The following SFSWAP variants were observed in gnomAD, a reference collection of about 807,000 sequenced individuals.
SFSWAP encodes the protein splicing factor SWAP, also known as splicing factor, suppressor of white-apricot homolog.
SFSWAP carries 17 observed loss-of-function variants against 100.7 expected under a neutral mutation model. The ratio of observed to expected loss-of-function variants is 0.17; its 90% CI spans 0.12 to 0.25. The LOEUF (loss-of-function observed/expected upper bound fraction) is 0.25, where lower values mean the gene tolerates loss of function less well. Among genes scored for constraint, SFSWAP ranks in the 10% least tolerant of loss-of-function variants. The pLI, the probability that SFSWAP is intolerant of heterozygous loss-of-function variation, is 1.00. For synonymous variants in SFSWAP, 504 were observed against 510.1 expected, an observed-to-expected ratio of 0.99 and a Z score of 0.16; for missense variants, 1,005 against 1,262.6, an observed-to-expected ratio of 0.80 and a Z score of 3.09.
In SFSWAP at chr12:131,756,615, A is replaced by T. The variant is rs766691560; in HGVS notation, c.1691A>T (p.Lys564Met). 9.9e-6 allele frequency: 16 copies of T among 1,609,310 alleles called. No individual in the cohort carries two copies. The Admixed American group carries it at 2.4e-4, about 24-fold the overall frequency. The change falls in exon 11 of 18, where the codon AAG becomes ATG. Residue 564 changes from lysine to methionine, a missense_variant. Lys to Met is a moderately conservative substitution (Grantham distance 95, BLOSUM62 -1). This residue lies in a region of SFSWAP where 311 missense variants were observed against 317.8 expected (regional missense o/e 0.98). Coordinates refer to ENST00000261674, the MANE Select transcript of SFSWAP (RefSeq NM_004592.4). ...SGGKKEASSSKTVPDGKLVKA... is the reference protein window; with the variant it reads ...SGGKKEASSSMTVPDGKLVKA... ...GGGAAGAAGGAGGCATCGTCCAGTA[A>T]GACCGTCCCGGACGGGAAGCTGGTG...
intron 16 of SFSWAP, among the ~76,000 whole-genome samples, chr12:131,798,465 T>C (rs923779943): frequency 1.3e-5 from 2 of 152,218 alleles, no homozygotes; most frequent in Admixed American, 1.3e-4. Context: ...GCTGAGTCTT[T>C]CCTTTCTTTG....
chr12:131,735,656 G>C (rs1157127464), intron 7 of SFSWAP, among the ~76,000 whole-genome samples: 7 of 152,232 alleles, frequency 4.6e-5, no homozygotes, highest in Admixed American at 1.3e-4. Flanking sequence ...GTCTGTTGCT[G>C]TTCCCTTGGT....
intron 14 of SFSWAP, chr12:131,784,927 G>T: frequency 1.9e-6 from 1 of 532,298 alleles, no homozygotes; most frequent in Non-Finnish European, 3.0e-6. Flanking sequence ...TATTTTTCCT[G>T]ATTATTGAGT....
intron 15 of SFSWAP, among the ~76,000 whole-genome samples, chr12:131,793,170 G>A (rs1278569112): frequency 6.6e-6 from 1 of 152,006 alleles, no homozygotes. Context: ...ACTCAGCCCG[G>A]CTGACTGCAG....
At chr12:131,799,324 C>A (rs1358191960) in intron 17 of SFSWAP, 99 bp from the exon 18 acceptor site, 2 of 1,314,574 alleles carry the variant, frequency 1.5e-6, no homozygotes, top group African/African-American at 2.9e-5. Context: ...GTGCTAGCAC[C>A]GTCTGGTCTT....
intron 4 of SFSWAP, among the ~76,000 whole-genome samples, chr12:131,724,165 A>G (rs1878745007): frequency 6.6e-6 from 1 of 152,212 alleles, no homozygotes; most frequent in Non-Finnish European, 1.5e-5. Flanking sequence ...ATGGTAATAG[A>G]AGTAGTATAT....
At chr12:131,791,303 T>C (rs1011837535) in intron 15 of SFSWAP, among the ~76,000 whole-genome samples, 3 of 149,910 alleles carry the variant, frequency 2.0e-5, no homozygotes, top group African/African-American at 7.4e-5. Flanking sequence ...GCAGGAGAAT[T>C]GCTTGAACCT....
intron 15 of SFSWAP, among the ~76,000 whole-genome samples, chr12:131,791,461 A>G (rs937779541): frequency 6.6e-6 from 1 of 152,166 alleles, no homozygotes; most frequent in African/African-American, 2.4e-5. Context: ...CTAACATTCA[A>G]GAAAGGAGGG....
Position 131,752,342 on chromosome 12 carries a change from A to G in SFSWAP, c.1082-781A>G, listed in dbSNP as rs575840424. On this transcript the variant is annotated intron_variant, in intron 7 of 17. Coordinates refer to ENST00000261674, the MANE Select transcript of SFSWAP (RefSeq NM_004592.4). ...GACTGGAAATTAAATTTCGTAATTAATCATTGAATCTTCTGTGATTCGTGG... is the reference window on the plus strand; with the variant it reads ...GACTGGAAATTAAATTTCGTAATTAGTCATTGAATCTTCTGTGATTCGTGG... Among the ~76,000 whole-genome samples, 48 of 152,352 alleles carry G rather than the reference A, an allele frequency of 3.2e-4. 1 individual carries two copies. In the South Asian group the frequency reaches 9.5e-3, roughly 30 times the overall value.
intron 7 of SFSWAP, among the ~76,000 whole-genome samples, chr12:131,750,113 T>C (rs1248690539): frequency 1.3e-5 from 2 of 152,218 alleles, no homozygotes; most frequent in African/African-American, 2.4e-5. Flanking sequence ...GTGCCCGTCC[T>C]GCCTCCCACC....
chr12:131,735,922 A>T (rs889344299), intron 7 of SFSWAP, among the ~76,000 whole-genome samples: 4 of 152,220 alleles, frequency 2.6e-5, no homozygotes, highest in African/African-American at 9.6e-5. Context: ...AATTTTCATC[A>T]AACACATAAT....
At chr12:131,719,575 ATTAT>A in intron 4 of SFSWAP, 36 bp downstream of exon 4, 2 of 1,466,486 alleles carry the variant, frequency 1.4e-6, no homozygotes, top group Non-Finnish European at 1.9e-6. Flanking sequence ...TGTCGTCATT[ATTAT>A]TTATCATAAT....
At position 131,756,602 on chromosome 12, in the gene SFSWAP, G is replaced by T; in HGVS notation, c.1678G>T (p.Ala560Ser). ...ARAGSGGKKE[A>S]SSSKTVPDGK... ...GGCAGGCTCAGGCGGGAAGAAGGAG[G>T]CATCGTCCAGTAAGACCGTCCCGGA... Residue 560 changes from alanine (A) to serine (S), a missense_variant, in exon 11 of 18, where the codon GCA (alanine) becomes TCA (serine). By Grantham distance (99) the Ala-to-Ser change is moderately conservative. Coordinates refer to ENST00000261674, the MANE Select transcript of SFSWAP (RefSeq NM_004592.4). The T allele has an allele frequency of 1.2e-6, 2 of 1,612,206 alleles. No individual in the cohort carries two copies. Among genetic ancestry groups the T allele is most frequent in the East Asian group, 2.2e-5 (1 of 44,838 alleles).
At position 131,726,175 on chromosome 12, in the gene SFSWAP, T is replaced by C. The variant is rs200633973; in HGVS notation, c.832+545T>C. ...GTCTATTCATATATATGTATATATA[T>C]ACACACACACACACATCTTCCATTG... On this transcript the variant is annotated intron_variant, in intron 5 of 17. Coordinates refer to ENST00000261674, the MANE Select transcript of SFSWAP (RefSeq NM_004592.4). 2.4e-4 allele frequency among the ~76,000 whole-genome samples: 36 copies of C among 151,290 alleles called. No homozygotes were observed. In the Middle Eastern group the frequency reaches 0.01, roughly 43 times the overall value.
At chr12:131,759,658 G>A (rs961445790) in intron 11 of SFSWAP, among the ~76,000 whole-genome samples, 3 of 151,900 alleles carry the variant, frequency 2.0e-5, no homozygotes, top group Non-Finnish European at 4.4e-5. Flanking sequence ...AAAATTAGCC[G>A]GGCGTGGTGG....
At chr12:131,790,002 T>C (rs1317668410) in intron 15 of SFSWAP, among the ~76,000 whole-genome samples, 1 of 152,214 alleles carries the variant, frequency 6.6e-6, no homozygotes, top group Non-Finnish European at 1.5e-5. Flanking sequence ...TGTCTTCTCA[T>C]TTGTCTCAGC....
rs755174782 is a variant in SFSWAP at position 131,728,339 on chromosome 12, G to A, written c.992G>A (p.Arg331His). 1 of 1,614,206 alleles carries A rather than the reference G, an allele frequency of 6.2e-7. No individual in the cohort carries two copies. The highest frequency in any genetic ancestry group is 1.7e-5 in the Admixed American group (1 of 60,026). Residue 331 changes from arginine to histidine, a missense_variant, in exon 7 of 18, where the codon CGT becomes CAT. Arg to His is a conservative substitution (Grantham distance 29). Around this residue, in one of 7 missense-constraint regions of SFSWAP, gnomAD observed 22 missense variants for 52.6 expected, o/e 0.42. Coordinates refer to ENST00000261674, the MANE Select transcript of SFSWAP (RefSeq NM_004592.4). ...GATCATCCCCTCGCAGCACTTGTTC[G>A]TAAGGCACAGGCTGACAGTTCCACT... ...DPDHPLAALV[R>H]KAQADSSTPT...
At chr12:131,722,111 C>G (rs1206975420) in intron 4 of SFSWAP, among the ~76,000 whole-genome samples, 1 of 152,184 alleles carries the variant, frequency 6.6e-6, no homozygotes, top group Non-Finnish European at 1.5e-5. Context: ...GGGGGCAGGA[C>G]ATGGTTTGAC....
At chr12:131,719,880 C>A (rs1878306949) in intron 4 of SFSWAP, among the ~76,000 whole-genome samples, 2 of 152,206 alleles carry the variant, frequency 1.3e-5, no homozygotes, top group Non-Finnish European at 2.9e-5. Context: ...TAAAAGCACT[C>A]AAGATCAAGA....
Sources: allele counts gnomAD v4.1 joint callset (sites outside exome capture counted in the v4.1 genomes callset), GRCh38; gene constraint gnomAD v4.1.1; regional missense constraint gnomAD v4.1.1; transcripts MANE v1.5; gene names NCBI Gene and HGNC (gene_info 2026-07-23, HGNC 2026-07-21).